Variants in CNTN1 observed in about 807,000 individuals in gnomAD.
CNTN1 encodes the protein contactin-1.
In CNTN1, 38 loss-of-function variants were observed where a neutral mutation model predicts 126.4. The ratio of observed to expected loss-of-function variants is 0.30; its 90% CI spans 0.23 to 0.39. The LOEUF is 0.39. CNTN1 is among the 10% of genes least tolerant of loss of function. The pLI, the probability that CNTN1 is intolerant of heterozygous loss-of-function variation, is 1.00. For missense variants in CNTN1, 1,009 were observed against 1,248.4 expected (o/e 0.81, Z 2.89); for synonymous variants, 413 against 422.6 (o/e 0.98, Z 0.28).
intron 17 of CNTN1, among the ~76,000 whole-genome samples, chr12:41,006,268 G>T (rs1399979879): frequency 6.6e-6 from 1 of 152,170 alleles, no homozygotes; most frequent in Admixed American, 6.5e-5. Flanking sequence ...GGCTCCTCAA[G>T]GTTTGGAATC....
chr12:40,734,281 T>A (rs1386030720), intron 1 of CNTN1, among the ~76,000 whole-genome samples: 1 of 152,110 alleles, frequency 6.6e-6, no homozygotes, highest in Non-Finnish European at 1.5e-5. Flanking sequence ...TGGAGTATAA[T>A]GAGGAAACAG....
chr12:40,952,209 G>C (rs374638563), intron 14 of CNTN1, among the ~76,000 whole-genome samples: 27 of 152,090 alleles, frequency 1.8e-4, no homozygotes, highest in Middle Eastern at 3.4e-3. Flanking sequence ...ATTACCTATG[G>C]AGCCTTCCAC....
At chr12:40,708,831 T>C (rs529010400) in intron 1 of CNTN1, among the ~76,000 whole-genome samples, 1 of 152,352 alleles carries the variant, frequency 6.6e-6, no homozygotes, top group South Asian at 2.1e-4. Flanking sequence ...TATCATGAGA[T>C]TATAGCAATT....
chr12:40,752,080 A>C (rs1343882232), intron 1 of CNTN1, among the ~76,000 whole-genome samples: 1 of 152,022 alleles, frequency 6.6e-6, no homozygotes, highest in Admixed American at 6.6e-5. Context: ...CATTTTATTA[A>C]GTTTTTTTAT....
chr12:40,753,060 G>A (rs1021299895), intron 1 of CNTN1, among the ~76,000 whole-genome samples: 1 of 152,096 alleles, frequency 6.6e-6, no homozygotes, highest in Non-Finnish European at 1.5e-5. Flanking sequence ...TTATGGTGAG[G>A]AAAGAGTGGG....
chr12:40,797,513 A>G (rs1940484043), intron 1 of CNTN1, among the ~76,000 whole-genome samples: 1 of 152,022 alleles, frequency 6.6e-6, no homozygotes, highest in Non-Finnish European at 1.5e-5. Flanking sequence ...AAAATAGCCA[A>G]AGATGAGGCT....
intron 23 of CNTN1, among the ~76,000 whole-genome samples, chr12:41,051,213 T>TCTCGGCTCA (rs58238699): frequency 0.021 from 3,080 of 146,888 alleles, 110 homozygotes; most frequent in African/African-American, 0.074. Flanking sequence ...AGTGGTGAGA[T>TCTCGGCTCA]CTCGGCTCAC....
intron 1 of CNTN1, among the ~76,000 whole-genome samples, chr12:40,766,346 A>G (rs925620228): frequency 2.3e-5 from 3 of 132,250 alleles, no homozygotes; most frequent in African/African-American, 8.3e-5. Flanking sequence ...GACGGAATGA[A>G]ACTCCGTCTT....
At chr12:41,064,151 G>C (rs1013099504) in intron 23 of CNTN1, among the ~76,000 whole-genome samples, 1 of 149,532 alleles carries the variant, frequency 6.7e-6, no homozygotes, top group Non-Finnish European at 1.5e-5. Flanking sequence ...TGCAGCCTGG[G>C]CGACTGAGTG....
At chr12:40,812,334 G>A (rs375860697) in intron 1 of CNTN1, among the ~76,000 whole-genome samples, 3 of 152,110 alleles carry the variant, frequency 2.0e-5, no homozygotes, top group African/African-American at 7.2e-5. Context: ...GTGTACACTT[G>A]AGAAGAATAT....
intron 1 of CNTN1, among the ~76,000 whole-genome samples, chr12:40,887,726 G>T (rs1284267371): frequency 2.0e-5 from 3 of 151,934 alleles, no homozygotes; most frequent in Non-Finnish European, 4.4e-5. Flanking sequence ...TATGTTTATT[G>T]CAGCACTATT....
intron 23 of CNTN1, among the ~76,000 whole-genome samples, chr12:41,032,517 T>C (rs1949169617): frequency 6.6e-6 from 1 of 152,224 alleles, no homozygotes. Flanking sequence ...TGTTGACATT[T>C]CTCTTCTTGA....
intron 1 of CNTN1, among the ~76,000 whole-genome samples, chr12:40,844,578 A>T (rs1942431862): frequency 6.6e-6 from 1 of 152,314 alleles, no homozygotes; most frequent in Non-Finnish European, 1.5e-5. Context: ...TATTATTTAG[A>T]ATTTCCCTCT....
At chr12:40,984,036 A>G (rs957672816) in intron 16 of CNTN1, among the ~76,000 whole-genome samples, 76 of 148,966 alleles carry the variant, frequency 5.1e-4, no homozygotes, top group Admixed American at 1.3e-3. Flanking sequence ...CACACAGAGG[A>G]TTAAATATAT....
At chr12:40,903,089 C>A (rs1944666003) in intron 1 of CNTN1, among the ~76,000 whole-genome samples, 1 of 152,184 alleles carries the variant, frequency 6.6e-6, no homozygotes. Context: ...AAGGTGAATT[C>A]TCCTGGAAAT....
chr12:40,848,642 C>T (rs538202734), intron 1 of CNTN1, among the ~76,000 whole-genome samples: 127 of 151,978 alleles, frequency 8.4e-4, no homozygotes, highest in African/African-American at 1.6e-3. Context: ...AAGGATATTT[C>T]GAAAATGCTC....
At chr12:40,915,909 G>C (rs538805763) in intron 3 of CNTN1, among the ~76,000 whole-genome samples, 7 of 152,148 alleles carry the variant, frequency 4.6e-5, no homozygotes, top group South Asian at 4.1e-4. Context: ...ATCCAATCCA[G>C]TGCAGATTAG....
intron 1 of CNTN1, among the ~76,000 whole-genome samples, chr12:40,819,776 G>T (rs1451138947): frequency 6.6e-6 from 1 of 152,150 alleles, no homozygotes; most frequent in Non-Finnish European, 1.5e-5. Flanking sequence ...TCTGGGATTG[G>T]GACACTAGGC....
chr12:40,780,403 A>G (rs1203934628), intron 1 of CNTN1, among the ~76,000 whole-genome samples: 1 of 151,910 alleles, frequency 6.6e-6, no homozygotes, highest in Admixed American at 6.6e-5. Flanking sequence ...AATTCTGACA[A>G]TGATCAATAA....
Sources: gnomAD v4.1 joint callset for allele counts (sites outside exome capture counted in the v4.1 genomes callset) on GRCh38, gnomAD v4.1.1 for gene constraint, MANE v1.5 for transcripts, NCBI Gene and HGNC (gene_info 2026-07-23, HGNC 2026-07-21) for gene names.